Variants in MYZAP observed in about 807,000 individuals in gnomAD.
The protein encoded by MYZAP is myocardial zonula adherens protein, also known as GRINL1A complex locus upstream.
A neutral mutation model predicts 69.4 loss-of-function variants in MYZAP; 66 were observed. The observed-to-expected ratio is 0.95, with a 90% CI of 0.78 to 1.17. MYZAP has a LOEUF of 1.17. MYZAP is among the 50% of genes most tolerant of loss of function. MYZAP has a pLI of 0.00. For synonymous variants in MYZAP, 256 were observed against 205.9 expected (o/e 1.24, Z -2.09); for missense variants, 611 against 556.2 (o/e 1.10, Z -0.99).
At chr15:57,671,804 A>G (rs1386269731) in intron 11 of MYZAP, among the ~76,000 whole-genome samples, 1 of 151,968 alleles carries the variant, frequency 6.6e-6, no homozygotes. Flanking sequence ...CTGACTGATC[A>G]TTGTTATGAT....
chr15:57,631,512 G>A (rs1161470029), intron 6 of MYZAP, among the ~76,000 whole-genome samples: 1 of 151,266 alleles, frequency 6.6e-6, no homozygotes, highest in Non-Finnish European at 1.5e-5. Context: ...ACATGACCTG[G>A]ATGCAGAGTG....
At chr15:57,623,229 G>A (rs1360379515) in intron 4 of MYZAP, among the ~76,000 whole-genome samples, 1 of 152,174 alleles carries the variant, frequency 6.6e-6, no homozygotes, top group African/African-American at 2.4e-5. Flanking sequence ...GGTTGCTGAT[G>A]AAAATGCAAT....
intron 8 of MYZAP, among the ~76,000 whole-genome samples, chr15:57,636,792 C>CA (rs2140455819): frequency 6.6e-6 from 1 of 152,284 alleles, no homozygotes; most frequent in African/African-American, 2.4e-5. Context: ...GCAAAGTGTA[C>CA]AAAGTGCACG....
chr15:57,683,544 C>G (rs1407848805), intron 12 of MYZAP, among the ~76,000 whole-genome samples: 6 of 152,154 alleles, frequency 3.9e-5, no homozygotes, highest in African/African-American at 1.2e-4. Context: ...ACAACCTTTA[C>G]AGGTTGTTAA....
chr15:57,625,802 T>C lies in MYZAP; in HGVS notation c.435T>C (p.Tyr145=). The part of the protein sequence containing the change: ...ELSVSHAQQE[Y]LENHIQTQSS... Reference sequence around the variant, plus strand: ...AGGTTTCCCATGCTCAGCAGGAGTATCTGGAGAATCACATCCAAACCCAGT... The same window carrying C: ...AGGTTTCCCATGCTCAGCAGGAGTACCTGGAGAATCACATCCAAACCCAGT... The change falls in exon 5 of 13, where the codon TAT becomes TAC. Residue 145 remains tyrosine, a synonymous_variant. Coordinates refer to ENST00000267853, the MANE Select transcript of MYZAP (RefSeq NM_001018100.5). 1 of 1,614,188 alleles carries C rather than the reference T, an allele frequency of 6.2e-7. No homozygotes were observed. The highest frequency in any genetic ancestry group is 1.1e-5 in the South Asian group (1 of 91,080).
chr15:57,646,372 C>T lies in MYZAP; in HGVS notation c.1119+6827C>T, dbSNP rs1466145903. The T allele has an allele frequency of 1.4e-5, 16 of 1,174,200 alleles. No homozygotes were observed. The Middle Eastern group carries it at 1.5e-3, about 111-fold the overall frequency. The allele number at this position is 1,174,200 out of a possible 1,614,324, so 72.7% of individuals were successfully genotyped here. A position where few individuals can be genotyped will look rare whatever the true frequency, so the allele number is the denominator to read the frequency against. The stretch of plus-strand genomic sequence containing the variant: ...TGTGGGGCTCTTGTTTGTGAAAACA[C>T]CCACATACTGTCACCCTGACTTGTA... On this transcript the variant is annotated intron_variant, in intron 10 of 12. Coordinates refer to ENST00000267853, the MANE Select transcript of MYZAP (RefSeq NM_001018100.5).
chr15:57,597,410 A>G lies in MYZAP; in HGVS notation c.75+5301A>G, dbSNP rs542251985. 7.2e-5 allele frequency among the ~76,000 whole-genome samples: 11 copies of G among 152,302 alleles called. No individual in the cohort carries two copies. In the South Asian group the frequency reaches 2.3e-3, roughly 32 times the overall value. ...TCTAATGTGCAGCAAGGCTAACAATATTTCTTTAAGCATTACTCCCTTCTA... is the reference window on the plus strand; with the variant it reads ...TCTAATGTGCAGCAAGGCTAACAATGTTTCTTTAAGCATTACTCCCTTCTA... On this transcript the variant is annotated intron_variant, in intron 1 of 12. Coordinates refer to ENST00000267853, the MANE Select transcript of MYZAP (RefSeq NM_001018100.5).
intron 11 of MYZAP, among the ~76,000 whole-genome samples, chr15:57,670,739 T>A (rs1317891687): frequency 1.3e-5 from 2 of 152,092 alleles, no homozygotes; most frequent in African/African-American, 4.8e-5. Context: ...TTTTAAGTTA[T>A]CCATTGGCAT....
At chr15:57,659,634 A>C (rs1333265515) in intron 10 of MYZAP, among the ~76,000 whole-genome samples, 1 of 152,222 alleles carries the variant, frequency 6.6e-6, no homozygotes, top group Non-Finnish European at 1.5e-5. Context: ...ATCTTTAATA[A>C]TCCACTAAGA....
intron 2 of MYZAP, among the ~76,000 whole-genome samples, chr15:57,613,950 G>T (rs1371702808): frequency 2.0e-5 from 3 of 152,176 alleles, no homozygotes. Flanking sequence ...GATACAAGAG[G>T]AGAGAAATTT....
intron 11 of MYZAP, among the ~76,000 whole-genome samples, chr15:57,673,196 C>T (rs1478220814): frequency 1.3e-5 from 2 of 152,148 alleles, no homozygotes; most frequent in Admixed American, 6.5e-5. Context: ...CCTCCATTCA[C>T]TGTGTATCAG....
At position 57,632,549 on chromosome 15, in the gene MYZAP, A is replaced by T; in HGVS notation, c.794A>T (p.Glu265Val). 6.2e-7 allele frequency: 1 copy of T among 1,614,086 alleles called. No homozygotes were observed. Among genetic ancestry groups the T allele is most frequent in the East Asian group, 2.2e-5 (1 of 44,884 alleles). Residue 265 changes from glutamate to valine, a missense_variant, in exon 7 of 13, where the codon GAG becomes GTG. Coordinates refer to ENST00000267853, the MANE Select transcript of MYZAP (RefSeq NM_001018100.5). ...EEQRKHSAEK[E>V]ALLEETNSFL... ...CAGAGGAAGCACAGTGCTGAGAAGG[A>T]GGCTCTTTTGGTGTGTGTGTTGTAG... is the stretch of plus-strand genomic sequence containing the variant.
chr15:57,595,484 A>G (rs1199252575), intron 1 of MYZAP, among the ~76,000 whole-genome samples: 1 of 150,360 alleles, frequency 6.7e-6, no homozygotes, highest in African/African-American at 2.4e-5. Flanking sequence ...GTCTTGCTAA[A>G]TGGGCCTTTG....
intron 10 of MYZAP, among the ~76,000 whole-genome samples, chr15:57,652,663 C>G (rs1443060687): frequency 6.6e-6 from 1 of 152,130 alleles, no homozygotes; most frequent in Non-Finnish European, 1.5e-5. Flanking sequence ...ATAGAGGGAT[C>G]AAGAGGCTGG....
At chr15:57,659,604 A>G (rs1442884194) in intron 10 of MYZAP, among the ~76,000 whole-genome samples, 2 of 152,192 alleles carry the variant, frequency 1.3e-5, no homozygotes, top group Non-Finnish European at 2.9e-5. Context: ...TGAATGAGAG[A>G]TTACTTTGCA....
At chr15:57,636,311 A>G (rs1343027200) in intron 8 of MYZAP, among the ~76,000 whole-genome samples, 6 of 152,208 alleles carry the variant, frequency 3.9e-5, no homozygotes, top group Admixed American at 6.5e-5. Flanking sequence ...ACAAAACCCC[A>G]GTCAAAGTTG....
At chr15:57,621,785 A>G (rs2035837210) in intron 4 of MYZAP, 85 bp downstream of exon 4, 1 of 1,228,484 alleles carries the variant, frequency 8.1e-7, no homozygotes, top group Admixed American at 1.9e-5. Context: ...TAAAGATATT[A>G]GAGTATCTAG....
At chr15:57,601,395 G>A (rs2034406913) in intron 1 of MYZAP, among the ~76,000 whole-genome samples, 1 of 152,014 alleles carries the variant, frequency 6.6e-6, no homozygotes, top group East Asian at 1.9e-4. Flanking sequence ...CACAGGTTTG[G>A]ATTGTCTCTG....
rs981385348 is a variant in MYZAP at position 57,599,373 on chromosome 15, C to T, written c.76-4896C>T. On this transcript the variant is annotated intron_variant, in intron 1 of 12. Transcript: ENST00000267853. ...CAGCATTTTTTTTTTTTTTTGCCAT[C>T]GTCGTACCCTCATAGTCCCTAAAAA... The T allele has an allele frequency of 5.3e-5, 41 of 777,692 alleles. No homozygotes were observed. In the Middle Eastern group the frequency reaches 1.9e-3, roughly 36 times the overall value. 48.2% of individuals were successfully genotyped at this position (777,692 alleles called of 1,614,324 possible). A position where few individuals can be genotyped will look rare whatever the true frequency, so the allele number is the denominator to read the frequency against.
Sources: gnomAD v4.1 joint callset for allele counts (sites outside exome capture counted in the v4.1 genomes callset) on GRCh38, gnomAD v4.1.1 for gene constraint, MANE v1.5 for transcripts, NCBI Gene and HGNC (gene_info 2026-07-23, HGNC 2026-07-21) for gene names.